Variants in OSBPL9 observed in about 807,000 individuals in gnomAD.
OSBPL9 encodes oxysterol binding protein like 9, also known as oxysterol-binding protein-related protein 9.
Under a neutral mutation model 106.6 loss-of-function variants are expected in OSBPL9, and 40 were observed. That is an observed-to-expected ratio of 0.38 (90% CI 0.29 to 0.49). The LOEUF (loss-of-function observed/expected upper bound fraction) is 0.49. OSBPL9 is among the 20% of genes least tolerant of loss of function. The probability of loss-of-function intolerance (pLI) is 0.97; values close to 1 mark genes in which losing one functional copy is unlikely to be tolerated. For synonymous variants in OSBPL9, 269 were observed against 295.4 expected (o/e 0.91, Z 0.92); for missense variants, 609 against 887.2 (o/e 0.69, Z 3.98).
At chr1:51,781,665 T>C (rs951855490) in intron 16 of OSBPL9, 1 of 216,336 alleles carries the variant, frequency 4.6e-6, no homozygotes, top group Admixed American at 5.1e-5. Flanking sequence ...TATAGAAGCA[T>C]GAAGACCATT....
chr1:51,711,311 A>T (rs998729152), intron 3 of OSBPL9, among the ~76,000 whole-genome samples: 1 of 146,718 alleles, frequency 6.8e-6, no homozygotes. Flanking sequence ...CACCTCCCGG[A>T]CGGGGCGGCT....
chr1:51,765,758 C>G (rs1672420528), intron 11 of OSBPL9, 64 bp from the exon 12 acceptor site: 1 of 1,418,248 alleles, frequency 7.1e-7, no homozygotes, highest in Non-Finnish European at 9.5e-7. Context: ...TCTGCTTTGA[C>G]TCCATCTCCC....
At position 51,701,894 on chromosome 1, in the gene OSBPL9, G is replaced by A. The variant is rs1469200928; in HGVS notation, c.242-12109G>A. Among the ~76,000 whole-genome samples, 8 of 152,060 alleles carry A rather than the reference G, an allele frequency of 5.3e-5. No homozygotes were observed. The East Asian group carries it at 7.7e-4, about 15-fold the overall frequency. On this transcript the variant is annotated intron_variant, in intron 3 of 23. Coordinates refer to ENST00000428468, the MANE Select transcript of OSBPL9 (RefSeq NM_024586.6). ...TTCCCACCTATGAGTGAGAACATGC[G>A]GTGTTTCGTTTTTTGTCCTTGCGAT...
intron 16 of OSBPL9, chr1:51,781,582 T>C (rs1676402179): frequency 2.9e-6 from 1 of 342,738 alleles, no homozygotes; most frequent in Non-Finnish European, 5.4e-6. Flanking sequence ...TTTTATGGCT[T>C]TTCAGGATCT....
chr1:51,521,396 A>G, the OSBPL9 span, among the ~76,000 whole-genome samples: 18 of 152,338 alleles, frequency 1.2e-4, no homozygotes, highest in African/African-American at 3.6e-4. Context: ...TTCCTCTCAG[A>G]TGAATAAGGT....
intron 4 of OSBPL9, among the ~76,000 whole-genome samples, chr1:51,732,023 TTC>T (rs1409568144): frequency 1.3e-5 from 2 of 152,236 alleles, no homozygotes; most frequent in Non-Finnish European, 2.9e-5. Context: ...TGTGAAATTT[TTC>T]AAATGTTTTT....
At chr1:51,746,144 A>G (rs1038596557) in intron 5 of OSBPL9, among the ~76,000 whole-genome samples, 9 of 152,148 alleles carry the variant, frequency 5.9e-5, no homozygotes, top group Non-Finnish European at 8.8e-5. Context: ...GGGTTTCGCC[A>G]TATTGGCCAG....
At chr1:51,630,345 G>T (rs1193354983) in intron 1 of OSBPL9, among the ~76,000 whole-genome samples, 1 of 152,010 alleles carries the variant, frequency 6.6e-6, no homozygotes, top group Non-Finnish European at 1.5e-5. Context: ...TTATTTCTAA[G>T]GCCTTTCAAT....
chr1:51,700,973 G>A (rs1240252037), intron 3 of OSBPL9, among the ~76,000 whole-genome samples: 2 of 151,204 alleles, frequency 1.3e-5, no homozygotes. Context: ...GAGTCTCCCT[G>A]TTGTCACCTG....
the OSBPL9 span, among the ~76,000 whole-genome samples, chr1:51,558,115 C>A: frequency 6.6e-6 from 1 of 152,146 alleles, no homozygotes; most frequent in South Asian, 2.1e-4. Flanking sequence ...CCCCTCTCTA[C>A]TAAAAATACA....
intron 7 of OSBPL9, 64 bp from the exon 8 acceptor site, chr1:51,750,081 G>T: frequency 2.6e-6 from 3 of 1,165,812 alleles, no homozygotes; most frequent in Non-Finnish European, 3.7e-6. Context: ...TATATTTTAA[G>T]CTTTAACATT....
At chr1:51,740,635 A>G (rs1396272674) in intron 4 of OSBPL9, among the ~76,000 whole-genome samples, 6 of 152,106 alleles carry the variant, frequency 3.9e-5, no homozygotes, top group African/African-American at 7.2e-5. Flanking sequence ...ATTTTGCCCT[A>G]TAAGAAAGTA....
intron 5 of OSBPL9, among the ~76,000 whole-genome samples, chr1:51,746,047 C>T (rs553560824): frequency 1.3e-4 from 20 of 152,206 alleles, no homozygotes; most frequent in African/African-American, 4.3e-4. Flanking sequence ...CTGCAACCTC[C>T]GCCTCCCGGG....
At chr1:51,577,812 C>T (rs1256273429) in intron 1 of OSBPL9, among the ~76,000 whole-genome samples, 3 of 152,166 alleles carry the variant, frequency 2.0e-5, no homozygotes, top group Non-Finnish European at 4.4e-5. Context: ...GAAACAGAAG[C>T]TCAGAATCTT....
At chr1:51,568,933 G>A in the OSBPL9 span, among the ~76,000 whole-genome samples, 5 of 152,036 alleles carry the variant, frequency 3.3e-5, no homozygotes, top group African/African-American at 1.2e-4. Flanking sequence ...GGATGCTCTC[G>A]AACTCCTGAC....
At chr1:51,534,254 G>T in the OSBPL9 span, among the ~76,000 whole-genome samples, 4 of 151,642 alleles carry the variant, frequency 2.6e-5, no homozygotes, top group African/African-American at 4.8e-5. Flanking sequence ...AGTCATACTG[G>T]TTTTTTTGTT....
intron 4 of OSBPL9, among the ~76,000 whole-genome samples, chr1:51,734,066 A>G (rs1374086294): frequency 6.6e-6 from 1 of 152,224 alleles, no homozygotes; most frequent in Admixed American, 6.5e-5. Context: ...AGATGATGAT[A>G]GTACCTGGCC....
chr1:51,588,894 A>G (rs1382537542), intron 1 of OSBPL9, among the ~76,000 whole-genome samples: 2 of 152,186 alleles, frequency 1.3e-5, no homozygotes, highest in Non-Finnish European at 2.9e-5. Context: ...TTCTGAAGCT[A>G]TAGCAGTGAA....
intron 4 of OSBPL9, among the ~76,000 whole-genome samples, chr1:51,733,446 C>T (rs1403955463): frequency 1.3e-5 from 2 of 152,020 alleles, no homozygotes; most frequent in Admixed American, 6.6e-5. Context: ...ACATGAGAAA[C>T]GGGGGATTGG....
Sources: allele counts gnomAD v4.1 joint callset (sites outside exome capture counted in the v4.1 genomes callset), GRCh38; gene constraint gnomAD v4.1.1; transcripts MANE v1.5; gene names NCBI Gene and HGNC (gene_info 2026-07-23, HGNC 2026-07-21).